TEX9: variants seen among roughly 807,000 people sequenced by gnomAD.
TEX9 encodes testis-expressed protein 9.
TEX9 carries 74 observed loss-of-function variants against 59.6 expected under a neutral mutation model. The ratio of observed to expected loss-of-function variants is 1.24; its 90% CI spans 1.03 to 1.51. The LOEUF (loss-of-function observed/expected upper bound fraction) is 1.51. TEX9 is among the 40% of genes most tolerant of loss of function. The pLI is 0.00. For missense variants in TEX9, 522 were observed against 447.8 expected, an observed-to-expected ratio of 1.17 and a Z score of -1.49; for synonymous variants, 186 against 152.2, an observed-to-expected ratio of 1.22 and a Z score of -1.64.
At chr15:56,406,024 T>C (rs1296727334) in intron 9 of TEX9, among the ~76,000 whole-genome samples, 1 of 152,148 alleles carries the variant, frequency 6.6e-6, no homozygotes, top group Non-Finnish European at 1.5e-5. Flanking sequence ...CAAATTAATA[T>C]TCCCTCATAA....
intron 10 of TEX9, among the ~76,000 whole-genome samples, chr15:56,423,275 C>T (rs1385601733): frequency 6.6e-6 from 1 of 152,134 alleles, no homozygotes; most frequent in Non-Finnish European, 1.5e-5. Context: ...TGTATTGTAG[C>T]TTTGTTGTCA....
chr15:56,372,146 C>A (rs1445642422), intron 2 of TEX9, among the ~76,000 whole-genome samples: 2 of 152,174 alleles, frequency 1.3e-5, no homozygotes, highest in Non-Finnish European at 2.9e-5. Flanking sequence ...TAATTGGAAA[C>A]TTAATCCTTG....
chr15:56,459,914 C>T, the TEX9 span, among the ~76,000 whole-genome samples: 3 of 143,408 alleles, frequency 2.1e-5, no homozygotes, highest in Non-Finnish European at 4.5e-5. Flanking sequence ...CACTTGAACC[C>T]GGGAGGCAGA....
intron 1 of TEX9, among the ~76,000 whole-genome samples, chr15:56,339,110 T>C (rs1008041508): frequency 3.3e-5 from 5 of 151,152 alleles, no homozygotes; most frequent in African/African-American, 1.2e-4. Context: ...AGGCCTGGTG[T>C]GGTGGCTCAC....
chr15:56,292,035 A>G (rs1416340172), intron 1 of TEX9, among the ~76,000 whole-genome samples: 1 of 152,216 alleles, frequency 6.6e-6, no homozygotes, highest in East Asian at 1.9e-4. Context: ...AATGACTTCC[A>G]TCTGAGAAAG....
At chr15:56,451,247 C>A in the TEX9 span, among the ~76,000 whole-genome samples, 7 of 152,262 alleles carry the variant, frequency 4.6e-5, no homozygotes, top group African/African-American at 1.7e-4. Context: ...ATATACCCAA[C>A]AATTTGTGAA....
intron 1 of TEX9, among the ~76,000 whole-genome samples, chr15:56,298,619 T>G (rs1457160306): frequency 6.6e-6 from 1 of 152,240 alleles, no homozygotes; most frequent in Non-Finnish European, 1.5e-5. Context: ...CTGTCTCATC[T>G]GTCCATCCCT....
intron 1 of TEX9, among the ~76,000 whole-genome samples, chr15:56,351,789 G>A (rs1453393195): frequency 6.6e-6 from 1 of 152,166 alleles, no homozygotes; most frequent in Non-Finnish European, 1.5e-5. Flanking sequence ...ATGTGAAAGA[G>A]AAAACTTCTT....
chr15:56,378,720 C>T (rs577122563), intron 3 of TEX9, among the ~76,000 whole-genome samples: 1 of 151,766 alleles, frequency 6.6e-6, no homozygotes, highest in African/African-American at 2.4e-5. Flanking sequence ...ATCTTCATTT[C>T]TTTTCTTCTA....
chr15:56,253,787 A>C (rs2713936), intron 1 of TEX9, among the ~76,000 whole-genome samples: 49,365 of 151,774 alleles, frequency 0.33, 9,169 homozygotes, highest in Non-Finnish European at 0.41. Flanking sequence ...GTGGCTAAAA[A>C]TTACAGCTCT....
intron 9 of TEX9, among the ~76,000 whole-genome samples, chr15:56,399,576 C>T (rs977070787): frequency 5.9e-5 from 9 of 152,366 alleles, no homozygotes; most frequent in Middle Eastern, 3.4e-3. Context: ...CAGACTTAAA[C>T]GTCCCTGTCT....
At chr15:56,309,765 A>G (rs2045567883) in intron 1 of TEX9, among the ~76,000 whole-genome samples, 1 of 137,820 alleles carries the variant, frequency 7.3e-6, no homozygotes, top group East Asian at 2.3e-4. Context: ...AATTAACAGT[A>G]GAGAAAAGAG....
At chr15:56,442,501 A>G (rs555733029) in intron 12 of TEX9, among the ~76,000 whole-genome samples, 13 of 152,376 alleles carry the variant, frequency 8.5e-5, no homozygotes, top group African/African-American at 2.2e-4. Flanking sequence ...ATATCCATCA[A>G]TGGTGGACTG....
intron 1 of TEX9, among the ~76,000 whole-genome samples, chr15:56,327,056 A>T (rs181519878): frequency 6.6e-6 from 1 of 152,212 alleles, no homozygotes; most frequent in African/African-American, 2.4e-5. Context: ...ATCATTATCA[A>T]AATAATGATT....
At chr15:56,254,727 G>A (rs2044104331) in intron 1 of TEX9, among the ~76,000 whole-genome samples, 2 of 151,184 alleles carry the variant, frequency 1.3e-5, no homozygotes, top group African/African-American at 4.9e-5. Flanking sequence ...TAAAAAAGAT[G>A]AATACAAATT....
chr15:56,361,204 T>G (rs1567097442), upstream of TEX9, among the ~76,000 whole-genome samples: 1 of 152,220 alleles, frequency 6.6e-6, no homozygotes. Context: ...TTTCCCTGTT[T>G]CAGTTCCATT....
rs1488711826 is a variant in TEX9 at position 56,404,127 on chromosome 15, G to C, written c.829-8175G>C. 3.9e-5 allele frequency among the ~76,000 whole-genome samples: 6 copies of C among 152,166 alleles called. 1 individual carries two copies. Among genetic ancestry groups the C allele is most frequent in the Admixed American group, 3.9e-4 (6 of 15,288 alleles). On this transcript the variant is annotated intron_variant, in intron 9 of 12. Coordinates refer to ENST00000352903, the Ensembl canonical transcript of TEX9. The stretch of plus-strand genomic sequence containing the variant: ...AGCAATGGCAACAAAAGCCAAAATA[G>C]ACAAATGGGATCTAATTAAACTAAA...
chr15:56,376,109 A>G (rs1328277300), intron 3 of TEX9, among the ~76,000 whole-genome samples: 2 of 149,342 alleles, frequency 1.3e-5, no homozygotes, highest in Non-Finnish European at 3.0e-5. Context: ...TTTAGGAGAT[A>G]TACCTAATGC....
intron 1 of TEX9, among the ~76,000 whole-genome samples, chr15:56,340,082 A>T (rs954404625): frequency 1.3e-5 from 2 of 152,206 alleles, no homozygotes; most frequent in African/African-American, 2.4e-5. Context: ...GACGTCTTCA[A>T]GTATGGTACT....
Sources: allele counts gnomAD v4.1 joint callset (sites outside exome capture counted in the v4.1 genomes callset), GRCh38; gene constraint gnomAD v4.1.1; transcripts MANE v1.5; gene names NCBI Gene and HGNC (gene_info 2026-07-23, HGNC 2026-07-21).